ST8SIA1: variants seen among roughly 807,000 people sequenced by gnomAD.
ST8SIA1 encodes the protein alpha-N-acetylneuraminide alpha-2,8-sialyltransferase.
A neutral mutation model predicts 35.9 loss-of-function variants in ST8SIA1; 16 were observed. That is an observed-to-expected ratio of 0.45 (90% confidence interval 0.30 to 0.68). ST8SIA1 has a LOEUF of 0.68. ST8SIA1 is among the 30% of genes least tolerant of loss of function. The pLI, the probability that ST8SIA1 is intolerant of heterozygous loss-of-function variation, is 0.09. For missense variants in ST8SIA1, 383 were observed against 453.6 expected (o/e 0.84, Z 1.41); for synonymous variants, 170 against 169.6 (o/e 1.00, Z -0.02).
chr12:22,303,694 G>A (rs1271314142), intron 1 of ST8SIA1, among the ~76,000 whole-genome samples: 1 of 151,760 alleles, frequency 6.6e-6, no homozygotes, highest in African/African-American at 2.4e-5. Context: ...TGTTTTTGTT[G>A]TTTGTTTCTG....
At chr12:22,326,336 C>A (rs894775236) in intron 1 of ST8SIA1, 1 of 154,642 alleles carries the variant, frequency 6.5e-6, no homozygotes, top group Admixed American at 6.5e-5. Context: ...ACCCTCAGCA[C>A]TAACTCTGTG....
At chr12:22,265,982 A>C (rs547357372) in intron 2 of ST8SIA1, among the ~76,000 whole-genome samples, 31 of 151,934 alleles carry the variant, frequency 2.0e-4, no homozygotes, top group African/African-American at 7.5e-4. Context: ...CAACACCCTA[A>C]ACTTCCTGTT....
intron 4 of ST8SIA1, among the ~76,000 whole-genome samples, chr12:22,204,304 G>T (rs1368561719): frequency 1.3e-5 from 2 of 152,116 alleles, no homozygotes; most frequent in African/African-American, 2.4e-5. Flanking sequence ...TATATTTAAG[G>T]TATGTAATGT....
chr12:22,280,948 T>C (rs1039473691), intron 2 of ST8SIA1, among the ~76,000 whole-genome samples: 3 of 152,236 alleles, frequency 2.0e-5, no homozygotes, highest in Non-Finnish European at 2.9e-5. Context: ...TATCCAAATA[T>C]AATGAAACAA....
At chr12:22,221,092 C>T (rs902426105) in intron 4 of ST8SIA1, among the ~76,000 whole-genome samples, 6 of 152,188 alleles carry the variant, frequency 3.9e-5, no homozygotes, top group African/African-American at 1.4e-4. Context: ...TTTTCATTCT[C>T]TCCTAGCACC....
chr12:22,281,581 A>G (rs1416471551), intron 2 of ST8SIA1, among the ~76,000 whole-genome samples: 3 of 152,328 alleles, frequency 2.0e-5, no homozygotes, highest in South Asian at 2.1e-4. Context: ...GATACCGGGG[A>G]GCTCAAAGCC....
At chr12:22,315,384 A>G (rs1866505318) in intron 1 of ST8SIA1, among the ~76,000 whole-genome samples, 1 of 152,210 alleles carries the variant, frequency 6.6e-6, no homozygotes, top group Non-Finnish European at 1.5e-5. Flanking sequence ...AGTAAGATTC[A>G]TGCAGTAATC....
chr12:22,303,673 T>G (rs1348537353), intron 1 of ST8SIA1, among the ~76,000 whole-genome samples: 11 of 152,322 alleles, frequency 7.2e-5, no homozygotes, highest in East Asian at 3.9e-4. Context: ...CTTAACTTTT[T>G]TTGTTGTTGT....
chr12:22,257,176 G>T (rs1350833854), intron 2 of ST8SIA1, among the ~76,000 whole-genome samples: 5 of 151,990 alleles, frequency 3.3e-5, no homozygotes, highest in African/African-American at 7.2e-5. Context: ...GCCATGAAAG[G>T]ATTAGGAGAT....
At chr12:22,278,408 C>T (rs993481912) in intron 2 of ST8SIA1, among the ~76,000 whole-genome samples, 2 of 152,032 alleles carry the variant, frequency 1.3e-5, no homozygotes, top group African/African-American at 2.4e-5. Context: ...TCTTACTGAC[C>T]TTGGGTGTCA....
At chr12:22,328,841 C>A (rs1201147315) in intron 1 of ST8SIA1, among the ~76,000 whole-genome samples, 1 of 152,182 alleles carries the variant, frequency 6.6e-6, no homozygotes, top group Non-Finnish European at 1.5e-5. Context: ...CTATAAGAAG[C>A]CCCATTTTAT....
At chr12:22,246,704 A>AT (rs1293938869) in intron 4 of ST8SIA1, among the ~76,000 whole-genome samples, 1 of 151,854 alleles carries the variant, frequency 6.6e-6, no homozygotes, top group African/African-American at 2.4e-5. Context: ...CGGGCTTTGG[A>AT]ATAAGAGAGG....
chr12:22,284,332 T>C (rs1298946804), intron 2 of ST8SIA1, among the ~76,000 whole-genome samples: 1 of 152,230 alleles, frequency 6.6e-6, no homozygotes, highest in Non-Finnish European at 1.5e-5. Flanking sequence ...AGTGAAGCTT[T>C]GTTCATGCTG....
intron 4 of ST8SIA1, among the ~76,000 whole-genome samples, chr12:22,243,508 C>T (rs1865563487): frequency 6.6e-6 from 1 of 152,128 alleles, no homozygotes; most frequent in Non-Finnish European, 1.5e-5. Flanking sequence ...CAAGTGTTTG[C>T]ACTTTGTTTA....
At chr12:22,254,466 A>G (rs1300187603) in intron 3 of ST8SIA1, among the ~76,000 whole-genome samples, 2 of 151,968 alleles carry the variant, frequency 1.3e-5, no homozygotes, top group African/African-American at 4.8e-5. Context: ...AAGGTGTGTT[A>G]CTTTACACCC....
intron 1 of ST8SIA1, chr12:22,325,629 A>G: frequency 1.6e-6 from 1 of 618,658 alleles, no homozygotes; most frequent in East Asian, 2.8e-5. Context: ...ACATTCCAAG[A>G]CCCCCAGTGG....
At chr12:22,213,813 G>A (rs926073031) in intron 4 of ST8SIA1, among the ~76,000 whole-genome samples, 7 of 152,192 alleles carry the variant, frequency 4.6e-5, no homozygotes, top group Admixed American at 2.0e-4. Context: ...CACAGAGGCA[G>A]TAGGAGCTGG....
chr12:22,296,483 G>A (rs1861606), intron 1 of ST8SIA1, among the ~76,000 whole-genome samples: 46,357 of 151,972 alleles, frequency 0.31, 7,647 homozygotes, highest in African/African-American at 0.43. Context: ...TCTCACTCTT[G>A]TCTCTGTCCT....
chr12:22,214,740 A>T (rs549557090), intron 4 of ST8SIA1, among the ~76,000 whole-genome samples: 12 of 152,366 alleles, frequency 7.9e-5, no homozygotes, highest in Admixed American at 7.2e-4. Flanking sequence ...AAAAATCAAA[A>T]GATCTATAAT....
Sources: allele counts gnomAD v4.1 joint callset (sites outside exome capture counted in the v4.1 genomes callset), GRCh38; gene constraint gnomAD v4.1.1; transcripts MANE v1.5; gene names NCBI Gene and HGNC (gene_info 2026-07-23, HGNC 2026-07-21).